Variants in MCTP1 observed in about 807,000 individuals in gnomAD.
MCTP1 encodes multiple C2 and transmembrane domain-containing protein 1.
Under a neutral mutation model 120.6 loss-of-function variants are expected in MCTP1, and 69 were observed. That is an observed-to-expected ratio of 0.57 (90% CI 0.47 to 0.70). MCTP1 has a LOEUF of 0.70. Among genes scored for constraint, MCTP1 ranks in the 30% least tolerant of loss-of-function variants. The pLI, the probability that MCTP1 is intolerant of heterozygous loss-of-function variation, is 0.00. For missense variants in MCTP1, 1,203 were observed against 1,248.8 expected (o/e 0.96, Z 0.55); for synonymous variants, 529 against 493.1 (o/e 1.07, Z -0.96).
At chr5:94,942,239 G>C in intron 4 of MCTP1, 109 bp downstream of exon 4, 1 of 736,664 alleles carries the variant, frequency 1.4e-6, no homozygotes, top group Non-Finnish European at 2.3e-6. Flanking sequence ...TAGCAGGAAG[G>C]CTCACCACTA....
intron 12 of MCTP1, among the ~76,000 whole-genome samples, chr5:94,887,726 G>C (rs1263820658): frequency 6.6e-6 from 1 of 152,122 alleles, no homozygotes; most frequent in Non-Finnish European, 1.5e-5. Context: ...TTACAAATGA[G>C]TTGATAATTA....
intron 19 of MCTP1, among the ~76,000 whole-genome samples, chr5:94,760,215 C>T (rs115200818): frequency 0.017 from 2,610 of 152,050 alleles, 32 homozygotes; most frequent in Middle Eastern, 0.034. Flanking sequence ...CTCTAATATA[C>T]CCCATTAGAA....
intron 7 of MCTP1, among the ~76,000 whole-genome samples, chr5:94,920,789 T>A (rs140748264): frequency 2.6e-4 from 36 of 138,086 alleles, no homozygotes; most frequent in African/African-American, 9.5e-4. Flanking sequence ...AAATAAATAA[T>A]AAAAAGTCAA....
intron 1 of MCTP1, among the ~76,000 whole-genome samples, chr5:95,053,516 T>A (rs1023720601): frequency 6.6e-6 from 1 of 152,132 alleles, no homozygotes; most frequent in Non-Finnish European, 1.5e-5. Context: ...AAACTACAGA[T>A]TGAGATTCCA....
chr5:94,984,775 C>T lies in MCTP1; in HGVS notation c.839-31414G>A, dbSNP rs547911117. ...ATATGCAAAACTTCAAGTATGAATA[C>T]ACTTTATATTTAATATAAAGGTAAA... is the stretch of plus-strand genomic sequence containing the variant. On this transcript the variant is annotated intron_variant, in intron 2 of 22. Transcript: ENST00000515393. Among the ~76,000 whole-genome samples, 9 of 152,216 alleles carry T rather than the reference C, an allele frequency of 5.9e-5. No homozygotes were observed. The East Asian group carries it at 1.7e-3, about 29-fold the overall frequency.
In MCTP1 at chr5:94,934,785, T is replaced by C. The variant is rs868002399; in HGVS notation, c.1174-2794A>G. ...ATCAAAGGCCAACTGAGATCATTCA[T>C]ATGTTTCTTTGAATTTTCTATTTTT... On this transcript the variant is annotated intron_variant, in intron 5 of 22. Coordinates refer to ENST00000515393, the MANE Select transcript of MCTP1 (RefSeq NM_024717.7). 3.4e-5 allele frequency among the ~76,000 whole-genome samples: 5 copies of C among 146,946 alleles called. No individual in the cohort carries two copies. In the South Asian group the frequency reaches 9.3e-4, roughly 27 times the overall value.
intron 17 of MCTP1, among the ~76,000 whole-genome samples, chr5:94,799,921 C>T (rs756633218): frequency 3.9e-4 from 60 of 152,138 alleles, no homozygotes; most frequent in Non-Finnish European, 5.9e-4. Context: ...CCCCACCCGA[C>T]ACCAGCCTTG....
intron 19 of MCTP1, among the ~76,000 whole-genome samples, chr5:94,772,528 T>TC (rs947290442): frequency 6.6e-6 from 1 of 152,170 alleles, no homozygotes; most frequent in African/African-American, 2.4e-5. Flanking sequence ...GCACCCTTCA[T>TC]CCTATCTGCT....
chr5:95,095,517 T>C (rs561634406), intron 1 of MCTP1, among the ~76,000 whole-genome samples: 56 of 152,078 alleles, frequency 3.7e-4, no homozygotes, highest in African/African-American at 1.2e-3. Flanking sequence ...TCAATAGGGG[T>C]TGGTTTATTT....
chr5:94,745,612 A>C (rs1183325236), intron 19 of MCTP1, among the ~76,000 whole-genome samples: 1 of 152,186 alleles, frequency 6.6e-6, no homozygotes, highest in East Asian at 1.9e-4. Context: ...TGCAGAGAAA[A>C]ATTAAGGGAG....
chr5:95,001,298 G>A (rs778623155), intron 2 of MCTP1, among the ~76,000 whole-genome samples: 1 of 152,148 alleles, frequency 6.6e-6, no homozygotes, highest in Non-Finnish European at 1.5e-5. Flanking sequence ...GGAGTGGGGC[G>A]CTGCTGTAAA....
At chr5:95,251,513 G>A (rs947157827) in intron 1 of MCTP1, among the ~76,000 whole-genome samples, 6 of 152,026 alleles carry the variant, frequency 3.9e-5, no homozygotes, top group African/African-American at 1.4e-4. Context: ...TTTTAAACAC[G>A]TTTCTCAAAT....
chr5:95,071,809 G>C (rs1057103348), intron 1 of MCTP1, among the ~76,000 whole-genome samples: 1 of 152,146 alleles, frequency 6.6e-6, no homozygotes, highest in African/African-American at 2.4e-5. Context: ...TCACATGAAT[G>C]AGATTGTCTT....
intron 12 of MCTP1, among the ~76,000 whole-genome samples, chr5:94,879,700 A>G (rs1312067863): frequency 6.6e-6 from 1 of 152,136 alleles, no homozygotes; most frequent in Non-Finnish European, 1.5e-5. Flanking sequence ...GGAAAACTCC[A>G]TTGTACACTC....
rs554255668 is a variant in MCTP1 at position 95,077,011 on chromosome 5, T to A, written c.721-59527A>T. On this transcript the variant is annotated intron_variant, in intron 1 of 22. Coordinates refer to ENST00000515393, the MANE Select transcript of MCTP1 (RefSeq NM_024717.7). Reference sequence around the variant, plus strand: ...ATACCATCTCTGAAACTTGCAGAATTTCCTAACTCAAGCCTTTAGTCACCT... The same window carrying A: ...ATACCATCTCTGAAACTTGCAGAATATCCTAACTCAAGCCTTTAGTCACCT... Among the ~76,000 whole-genome samples the A allele has an allele frequency of 6.6e-5, 10 of 152,298 alleles. No homozygotes were observed. The South Asian group carries it at 8.3e-4, about 13-fold the overall frequency.
At position 94,707,361 on chromosome 5, in the gene MCTP1, A is replaced by G; in HGVS notation, c.*135T>C. On this transcript the variant is annotated 3_prime_UTR_variant, in exon 23 of 23. Coordinates refer to ENST00000515393, the MANE Select transcript of MCTP1 (RefSeq NM_024717.7). ...TCAAAGACATATGCCTTTGTACACTATTTACAGATTCTCTCGATCATGATA... is the reference window on the plus strand; with the variant it reads ...TCAAAGACATATGCCTTTGTACACTGTTTACAGATTCTCTCGATCATGATA... 3.0e-6 allele frequency: 2 copies of G among 664,086 alleles called. No individual in the cohort carries two copies. The highest frequency in any genetic ancestry group is 5.3e-6 in the Non-Finnish European group (2 of 380,128). The allele number at this position is 664,086 out of a possible 1,614,324, so 41.1% of individuals were successfully genotyped here.
In MCTP1 at chr5:94,882,719, C is replaced by A. The variant is rs138666111; in HGVS notation, c.1933+6160G>T. Reference sequence around the variant, plus strand: ...CCTGATTAATTATTTTATAGTATTTCTCTTTCCCTCATTTCCCATTGATAG... The same window carrying A: ...CCTGATTAATTATTTTATAGTATTTATCTTTCCCTCATTTCCCATTGATAG... On this transcript the variant is annotated intron_variant, in intron 12 of 22. Coordinates refer to ENST00000515393, the MANE Select transcript of MCTP1 (RefSeq NM_024717.7). Among the ~76,000 whole-genome samples the A allele has an allele frequency of 2.4e-3, 367 of 152,088 alleles. 1 individual carries two copies. Among genetic ancestry groups the A allele is most frequent in the Middle Eastern group, 0.01 (3 of 294 alleles).
chr5:94,990,897 C>T (rs1831427712), intron 2 of MCTP1, among the ~76,000 whole-genome samples: 1 of 152,098 alleles, frequency 6.6e-6, no homozygotes, highest in South Asian at 2.1e-4. Context: ...TATGACCAGC[C>T]CTCTTTCCAC....
chr5:94,748,014 C>G (rs1481846804), intron 19 of MCTP1, among the ~76,000 whole-genome samples: 1 of 152,160 alleles, frequency 6.6e-6, no homozygotes, highest in East Asian at 1.9e-4. Flanking sequence ...TGCTTGAACC[C>G]AGGAGTCAGA....
Sources: gnomAD v4.1 joint callset for allele counts (sites outside exome capture counted in the v4.1 genomes callset) on GRCh38, gnomAD v4.1.1 for gene constraint, MANE v1.5 for transcripts, NCBI Gene and HGNC (gene_info 2026-07-23, HGNC 2026-07-21) for gene names.